Variants in HERC1 observed in about 807,000 individuals in gnomAD.
HERC1 encodes the protein probable E3 ubiquitin-protein ligase HERC1.
HERC1 carries 160 observed loss-of-function variants against 554.3 expected under a neutral mutation model. The ratio of observed to expected loss-of-function variants is 0.29; its 90% CI spans 0.25 to 0.33. The LOEUF is 0.33. Among genes scored for constraint, HERC1 ranks in the 10% least tolerant of loss-of-function variants. The probability of loss-of-function intolerance (pLI) is 1.00; values close to 1 mark genes in which losing one functional copy is unlikely to be tolerated. For synonymous variants in HERC1, 2,175 were observed against 2,131.7 expected (o/e 1.02, Z -0.56); for missense variants, 4,919 against 5,918.5 (o/e 0.83, Z 5.54).
intron 1 of HERC1, among the ~76,000 whole-genome samples, chr15:63,809,463 C>T (rs574106203): frequency 6.6e-6 from 1 of 152,248 alleles, no homozygotes; most frequent in South Asian, 2.1e-4. Flanking sequence ...GATACATAAG[C>T]AATTACAGTA....
chr15:63,827,513 G>A (rs575916455), intron 1 of HERC1, among the ~76,000 whole-genome samples: 18 of 151,684 alleles, frequency 1.2e-4, no homozygotes, highest in South Asian at 1.0e-3. Context: ...ACTATTGAGT[G>A]AAAAAAAGTG....
At chr15:63,748,143 T>C (rs1438121547) in intron 10 of HERC1, among the ~76,000 whole-genome samples, 1 of 152,038 alleles carries the variant, frequency 6.6e-6, no homozygotes, top group East Asian at 1.9e-4. Flanking sequence ...GGGGAATCGC[T>C]TGAACCTGGG....
At chr15:63,741,608 C>T (rs1375362826) in intron 12 of HERC1, among the ~76,000 whole-genome samples, 1 of 150,044 alleles carries the variant, frequency 6.7e-6, no homozygotes, top group Non-Finnish European at 1.5e-5. Flanking sequence ...CCTATGTTTT[C>T]TTTTATGAGT....
At position 63,800,355 on chromosome 15, in the gene HERC1, C is replaced by T. The variant is rs142594434; in HGVS notation, c.-26-24706G>A. On this transcript the variant is annotated intron_variant, in intron 1 of 77. Coordinates refer to ENST00000443617, the MANE Select transcript of HERC1 (RefSeq NM_003922.4). The stretch of plus-strand genomic sequence containing the variant: ...CCCCTTGCTCTCTCTTCTATAGACG[C>T]CTGAGATCCTTAACTCCTGGAAGGC... 3.7e-3 allele frequency among the ~76,000 whole-genome samples: 570 copies of T among 152,296 alleles called. 3 individuals are homozygous for T. The highest frequency in any genetic ancestry group is 6.8e-3 in the Non-Finnish European group (462 of 68,016).
rs139212149 is a variant in HERC1, at chr15:63,652,417, C to G, written c.10415G>C (p.Arg3472Thr). Reference protein sequence around the residue: ...YSLQQTCVFNRLEGDAEESLG... With the variant: ...YSLQQTCVFNTLEGDAEESLG... ...TACACGTGATGTTAGCACTCACAAT[C>G]TGTTGAACACACAGGTCTGTTGCAG... Residue 3472 changes from arginine to threonine, a missense_variant, in exon 52 of 78, where the codon AGA becomes ACA. Arg to Thr is a moderately conservative substitution (Grantham distance 71). This residue lies in a region of HERC1 where 1,963 missense variants were observed against 2,228.6 expected (regional missense o/e 0.88). Transcript: ENST00000443617. The G allele has an allele frequency of 6.2e-7, 1 of 1,612,472 alleles. No individual in the cohort carries two copies. Among genetic ancestry groups the G allele is most frequent in the Admixed American group, 1.7e-5 (1 of 59,946 alleles).
chr15:63,772,195 C>A (rs1429032326), intron 2 of HERC1, among the ~76,000 whole-genome samples: 2 of 151,750 alleles, frequency 1.3e-5, no homozygotes, highest in African/African-American at 4.8e-5. Context: ...CAAGCCTAGA[C>A]AATGAGGCTA....
chr15:63,773,415 G>A (rs1243211559), intron 2 of HERC1, among the ~76,000 whole-genome samples: 8 of 138,024 alleles, frequency 5.8e-5, no homozygotes, highest in Non-Finnish European at 9.2e-5. Flanking sequence ...CTGCACTCCC[G>A]CCTGGGTGAC....
At chr15:63,703,366 C>G (rs1280855567) in intron 25 of HERC1, among the ~76,000 whole-genome samples, 1 of 152,210 alleles carries the variant, frequency 6.6e-6, no homozygotes, top group Non-Finnish European at 1.5e-5. Context: ...CAAGGAGGAG[C>G]CTTTGCAGGC....
intron 51 of HERC1, 74 bp downstream of exon 51, chr15:63,654,044 GA>G: frequency 8.8e-7 from 1 of 1,140,492 alleles, no homozygotes; most frequent in Non-Finnish European, 1.3e-6. Flanking sequence ...CCTAAACTTT[GA>G]GCTCCTTGAG....
intron 3 of HERC1, among the ~76,000 whole-genome samples, chr15:63,759,248 T>G (rs2075529621): frequency 6.6e-6 from 1 of 152,170 alleles, no homozygotes; most frequent in African/African-American, 2.4e-5. Flanking sequence ...CAGTAAGGTA[T>G]GAAAGAAGGC....
At chr15:63,730,024 C>A (rs2074217360) in intron 14 of HERC1, among the ~76,000 whole-genome samples, 3 of 54,690 alleles carry the variant, frequency 5.5e-5, no homozygotes, top group African/African-American at 6.9e-5. Flanking sequence ...GAAACTATGT[C>A]TCAAAAAAAA....
chr15:63,736,653 G>A (rs2074518381), intron 12 of HERC1, among the ~76,000 whole-genome samples: 1 of 151,698 alleles, frequency 6.6e-6, no homozygotes, highest in Admixed American at 6.6e-5. Flanking sequence ...TTGTCACCCA[G>A]GCTGGAGCAC....
intron 12 of HERC1, among the ~76,000 whole-genome samples, chr15:63,743,730 C>A (rs1238240170): frequency 6.6e-6 from 1 of 152,188 alleles, no homozygotes; most frequent in Non-Finnish European, 1.5e-5. Context: ...TCTGTGCTAT[C>A]TTGAATTTCT....
chr15:63,699,126 A>G (rs753161209), intron 25 of HERC1, 130 bp from the exon 26 acceptor site: 4 of 765,728 alleles, frequency 5.2e-6, no homozygotes, highest in Non-Finnish European at 6.3e-6. Flanking sequence ...GAATACGCGC[A>G]TGCATTAAGT....
Position 63,727,647 on chromosome 15 carries a change from C to A in HERC1, c.3346G>T (p.Gly1116Ter). The A allele has an allele frequency of 6.2e-7, 1 of 1,606,560 alleles. No individual in the cohort carries two copies. Among genetic ancestry groups the A allele is most frequent in the Non-Finnish European group, 8.5e-7 (1 of 1,175,950 alleles). Reference sequence around the variant, plus strand: ...TTGCTCTTTTATTGTCTTTACTTACCATGAAGAGGCCACTGTAACTCCTGG... The same window carrying A: ...TTGCTCTTTTATTGTCTTTACTTACAATGAAGAGGCCACTGTAACTCCTGG... ...EDQELQWPLH[G>*]GPELIDPAGL... The change falls in exon 17 of 78, where the codon GGA (glycine) becomes TGA (stop). Residue 1116 changes from glycine (G) to a stop codon, truncating the protein, a stop_gained and splice_region_variant. Coordinates refer to ENST00000443617, the MANE Select transcript of HERC1 (RefSeq NM_003922.4). LOFTEE classifies it high-confidence loss of function. This position sits in a 1 kb window ranked among gnomAD's most constrained non-coding sequence, Gnocchi z 4.3.
At chr15:63,729,883 G>A (rs1466218372) in intron 14 of HERC1, among the ~76,000 whole-genome samples, 2 of 152,032 alleles carry the variant, frequency 1.3e-5, no homozygotes, top group East Asian at 3.9e-4. Context: ...AAATTAGCTA[G>A]GCGTGGTGGT....
intron 1 of HERC1, among the ~76,000 whole-genome samples, chr15:63,806,742 GT>G (rs1418007426): frequency 6.6e-6 from 1 of 152,190 alleles, no homozygotes; most frequent in Non-Finnish European, 1.5e-5. Flanking sequence ...TGCCTTTGTT[GT>G]TGTAAGTTGG....
At chr15:63,616,873 C>T (rs1429498578) in intron 74 of HERC1, 191 bp from the exon 75 acceptor site, 1 of 578,100 alleles carries the variant, frequency 1.7e-6, no homozygotes, top group African/African-American at 1.9e-5. Flanking sequence ...ACGTTGAGTT[C>T]TCAAAAGCCA....
chr15:63,686,001 A>C (rs1322248668), intron 34 of HERC1, among the ~76,000 whole-genome samples: 1 of 152,202 alleles, frequency 6.6e-6, no homozygotes, highest in East Asian at 1.9e-4. Flanking sequence ...TTCCCTATAA[A>C]AATTGTGGGC....
Sources: gnomAD v4.1 joint callset for allele counts (sites outside exome capture counted in the v4.1 genomes callset) on GRCh38, gnomAD v4.1.1 for gene constraint, gnomAD v4.1.1 regional missense constraint, Gnocchi (gnomAD v3.1) non-coding constraint, MANE v1.5 for transcripts, NCBI Gene and HGNC (gene_info 2026-07-23, HGNC 2026-07-21) for gene names.